Variants in KLC1 observed in about 807,000 individuals in gnomAD.
The protein encoded by KLC1 is kinesin 2 60/70kDa.
KLC1 carries 30 observed loss-of-function variants against 84.2 expected under a neutral mutation model. The ratio of observed to expected loss-of-function variants is 0.36; its 90% CI spans 0.27 to 0.48. The LOEUF is 0.48. Among genes scored for constraint, KLC1 ranks in the 20% least tolerant of loss-of-function variants. KLC1 has a pLI of 0.99. For synonymous variants in KLC1, 289 were observed against 293.3 expected, an observed-to-expected ratio of 0.99 and a Z score of 0.15; for missense variants, 499 against 805.4, an observed-to-expected ratio of 0.62 and a Z score of 4.60.
chr14:103,679,098 C>T (rs2081153019), intron 12 of KLC1, among the ~76,000 whole-genome samples: 1 of 152,050 alleles, frequency 6.6e-6, no homozygotes, highest in African/African-American at 2.4e-5. Context: ...ACTTAGAAAA[C>T]CACATGACCC....
intron 1 of KLC1, among the ~76,000 whole-genome samples, chr14:103,637,632 A>G (rs899891548): frequency 4.0e-5 from 6 of 151,814 alleles, no homozygotes; most frequent in African/African-American, 1.5e-4. Context: ...ATATCTATAA[A>G]TAAGTCACCC....
chr14:103,694,005 A>C lies in KLC1; in HGVS notation c.1848+1580A>C, dbSNP rs1358239791. On this transcript the variant is annotated intron_variant, in intron 15 of 16. Coordinates refer to ENST00000334553, the MANE Select transcript of KLC1 (RefSeq NM_001394837.1). The surrounding 1 kb of genome is among the most constrained non-coding windows in gnomAD (Gnocchi z 4.5). ...ATTGTAATATTGTAATAAGGCTGTAAATTAAGAATCTGGAAACATAAAGTA... is the reference window on the plus strand; with the variant it reads ...ATTGTAATATTGTAATAAGGCTGTACATTAAGAATCTGGAAACATAAAGTA... 3.9e-6 allele frequency: 4 copies of C among 1,038,742 alleles called. No individual in the cohort carries two copies. In the East Asian group the frequency reaches 2.5e-4, roughly 64 times the overall value. The allele number at this position is 1,038,742 out of a possible 1,614,324, so 64.3% of individuals were successfully genotyped here. A position where few individuals can be genotyped will look rare whatever the true frequency, so the allele number is the denominator to read the frequency against.
chr14:103,640,009 C>T (rs146492934), intron 1 of KLC1, among the ~76,000 whole-genome samples: 7,235 of 152,292 alleles, frequency 0.048, 224 homozygotes, highest in South Asian at 0.092. Context: ...CCCGCCTTGG[C>T]CTCCCAAAGT....
At chr14:103,676,076 C>T (rs1466742114) in intron 11 of KLC1, among the ~76,000 whole-genome samples, 4 of 152,182 alleles carry the variant, frequency 2.6e-5, no homozygotes, top group Admixed American at 1.3e-4. Context: ...TCACACACAG[C>T]GCTGGAGACA....
intron 1 of KLC1, among the ~76,000 whole-genome samples, chr14:103,632,671 A>C (rs768848905): frequency 1.3e-4 from 20 of 152,162 alleles, no homozygotes; most frequent in Admixed American, 6.5e-4. Flanking sequence ...CAGTGAGCCG[A>C]GATCACGCCA....
At chr14:103,691,980 G>A (rs920140791) in intron 14 of KLC1, among the ~76,000 whole-genome samples, 1 of 152,128 alleles carries the variant, frequency 6.6e-6, no homozygotes, top group Non-Finnish European at 1.5e-5. Flanking sequence ...ATGTTACCCG[G>A]GATGGTCTTG....
intron 7 of KLC1, among the ~76,000 whole-genome samples, chr14:103,672,586 C>G (rs1342683433): frequency 2.6e-5 from 4 of 152,086 alleles, no homozygotes; most frequent in Admixed American, 2.6e-4. Flanking sequence ...TAAGTCGTAG[C>G]TAGTAGGGAG....
At chr14:103,645,402 T>C (rs2077840409) in intron 1 of KLC1, among the ~76,000 whole-genome samples, 1 of 152,210 alleles carries the variant, frequency 6.6e-6, no homozygotes, top group African/African-American at 2.4e-5. Context: ...CCCCTGGTGC[T>C]GCCTAGCTCA....
chr14:103,669,291 C>T (rs1168761789), intron 5 of KLC1, among the ~76,000 whole-genome samples: 12 of 151,610 alleles, frequency 7.9e-5, no homozygotes, highest in African/African-American at 7.3e-5. Context: ...AAAAATTAGC[C>T]GGGCGTGGTG....
rs1184922760 is a variant in KLC1 at position 103,692,394 on chromosome 14, T to TGGGTGG, written c.1818_1823dup (p.Gly607_Gly608dup). Reference sequence around the variant, plus strand: ...GCCAGCTCTCTGAATGTCCTTAACGTGGGTGGCAAGGCTGCTGAAGATCGC... The same window carrying TGGGTGG: ...GCCAGCTCTCTGAATGTCCTTAACGTGGGTGGGGGTGGCAAGGCTGCTGAAGATCGC... On this transcript the variant is annotated inframe_insertion, in exon 15 of 17. Transcript: ENST00000334553. 2.0e-6 allele frequency: 3 copies of TGGGTGG among 1,536,680 alleles called. No homozygotes were observed. The highest frequency in any genetic ancestry group is 2.6e-6 in the Non-Finnish European group (3 of 1,147,026).
At chr14:103,663,205 G>A (rs963687965) in intron 5 of KLC1, among the ~76,000 whole-genome samples, 14 of 150,890 alleles carry the variant, frequency 9.3e-5, no homozygotes, top group African/African-American at 3.4e-4. Context: ...TCAGCCTCCC[G>A]AGTAGCTGGG....
At position 103,687,083 on chromosome 14, in the gene KLC1, T is replaced by C. The variant is rs1268207561; in HGVS notation, c.1653T>C (p.Asp551=). 4.6e-6 allele frequency: 7 copies of C among 1,530,820 alleles called. No individual in the cohort carries two copies. The highest frequency in any genetic ancestry group is 3.6e-5 in the South Asian group (3 of 83,000). The allele number at this position is 1,530,820 out of a possible 1,614,324, so 94.8% of individuals were successfully genotyped here. ...ACGTTTGTTCACGTTTTTTTCAGGATGGCACTGGATCTTTAAAACGCAGTG... is the reference window on the plus strand; with the variant it reads ...ACGTTTGTTCACGTTTTTTTCAGGACGGCACTGGATCTTTAAAACGCAGTG... ...EVSMSVEWNG[D]GTGSLKRSGS... is the part of the protein sequence containing the mutation. The change falls in exon 14 of 17, where the codon GAT becomes GAC. Residue 551 remains aspartate, a splice_region_variant and synonymous_variant. Coordinates refer to ENST00000334553, the MANE Select transcript of KLC1 (RefSeq NM_001394837.1).
chr14:103,647,553 TTA>T, intron 1 of KLC1, among the ~76,000 whole-genome samples: 1 of 152,168 alleles, frequency 6.6e-6, no homozygotes, highest in African/African-American at 2.4e-5. Flanking sequence ...TTATTGTTTC[TTA>T]TATTTCCAAA....
At chr14:103,640,805 A>T (rs78891909) in intron 1 of KLC1, among the ~76,000 whole-genome samples, 364 of 152,340 alleles carry the variant, frequency 2.4e-3, no homozygotes, top group African/African-American at 8.6e-3. Flanking sequence ...AGTTGCAAAG[A>T]TAGTACAGAG....
chr14:103,673,719 C>T (rs1425974531), intron 9 of KLC1, among the ~76,000 whole-genome samples: 1 of 151,998 alleles, frequency 6.6e-6, no homozygotes. Flanking sequence ...GTCAGGCGAT[C>T]GAGACCATCC....
At chr14:103,660,891 A>T (rs549215914) in intron 3 of KLC1, among the ~76,000 whole-genome samples, 1 of 152,240 alleles carries the variant, frequency 6.6e-6, no homozygotes, top group African/African-American at 2.4e-5. Context: ...CGATGCCAGC[A>T]GTGATTGACC....
chr14:103,644,311 G>A (rs1248935372), intron 1 of KLC1, among the ~76,000 whole-genome samples: 1 of 150,334 alleles, frequency 6.7e-6, no homozygotes, highest in African/African-American at 2.4e-5. Flanking sequence ...CCAGGCTGGA[G>A]TGCAGTGGCG....
intron 13 of KLC1, chr14:103,686,395 T>C (rs947449703): frequency 1.1e-5 from 2 of 188,758 alleles, no homozygotes; most frequent in African/African-American, 4.7e-5. Context: ...GTTTTTTATT[T>C]TCATGTTCAG....
intron 14 of KLC1, 63 bp downstream of exon 14, chr14:103,687,274 T>TAGCGC: frequency 6.9e-7 from 1 of 1,447,854 alleles, no homozygotes; most frequent in Non-Finnish European, 9.3e-7. Flanking sequence ...CTTCTCTTCC[T>TAGCGC]AGCGCAGCCT....
Sources: allele counts gnomAD v4.1 joint callset (sites outside exome capture counted in the v4.1 genomes callset), GRCh38; gene constraint gnomAD v4.1.1; non-coding constraint Gnocchi (gnomAD v3.1); transcripts MANE v1.5; gene names NCBI Gene and HGNC (gene_info 2026-07-23, HGNC 2026-07-21).